Variants in FGF14 observed in about 807,000 individuals in gnomAD.
The protein encoded by FGF14 is fibroblast growth factor homologous factor 4.
In FGF14, 5 loss-of-function variants were observed where a neutral mutation model predicts 25.5. The ratio of observed to expected loss-of-function variants is 0.20; its 90% CI spans 0.10 to 0.41. The LOEUF is 0.41. FGF14 is among the 10% of genes least tolerant of loss of function. The probability of loss-of-function intolerance (pLI) is 1.00; values close to 1 mark genes in which losing one functional copy is unlikely to be tolerated. For synonymous variants in FGF14, 138 were observed against 118.3 expected (o/e 1.17, Z -1.08); for missense variants, 222 against 320.1 (o/e 0.69, Z 2.34).
At chr13:102,092,514 G>A (rs1181989061) in intron 1 of FGF14, among the ~76,000 whole-genome samples, 6 of 152,068 alleles carry the variant, frequency 3.9e-5, no homozygotes, top group Non-Finnish European at 7.4e-5. Context: ...ACACTGAAAG[G>A]GCATCTCCTC....
chr13:102,140,185 T>C (rs982448659), intron 1 of FGF14, among the ~76,000 whole-genome samples: 24 of 152,048 alleles, frequency 1.6e-4, no homozygotes, highest in African/African-American at 5.8e-4. Flanking sequence ...ATAATGGGGA[T>C]AATAATGGGG....
At chr13:101,882,929 A>AAT (rs550300656) in intron 1 of FGF14, among the ~76,000 whole-genome samples, 3 of 150,624 alleles carry the variant, frequency 2.0e-5, no homozygotes, top group Non-Finnish European at 4.4e-5. Flanking sequence ...GAGTGATAAA[A>AAT]TTTTTTTTTT....
At chr13:102,207,144 G>T (rs938820397) in intron 1 of FGF14, among the ~76,000 whole-genome samples, 3 of 151,922 alleles carry the variant, frequency 2.0e-5, no homozygotes, top group Non-Finnish European at 4.4e-5. Flanking sequence ...GCCAGGCATG[G>T]TGGCACATGC....
Position 102,216,214 on chromosome 13 carries a change from C to T in FGF14, c.208+185257G>A, listed in dbSNP as rs948373785. ...CAAATCTATTTGCCTCATTCTATAC[C>T]TCTGAGTAGCTCTGAGATAACACAG... On this transcript the variant is annotated intron_variant, in intron 1 of 4. Transcript: ENST00000376131. Among the ~76,000 whole-genome samples the T allele has an allele frequency of 3.9e-5, 6 of 152,184 alleles. No individual in the cohort carries two copies. In the East Asian group the frequency reaches 5.8e-4, roughly 15 times the overall value.
At chr13:101,971,144 A>T (rs1041952888) in intron 1 of FGF14, among the ~76,000 whole-genome samples, 3 of 152,116 alleles carry the variant, frequency 2.0e-5, no homozygotes, top group Non-Finnish European at 4.4e-5. Flanking sequence ...CAAAATATAG[A>T]TTTTATAGTT....
At chr13:102,138,746 G>A (rs898173384) in intron 1 of FGF14, among the ~76,000 whole-genome samples, 5 of 152,162 alleles carry the variant, frequency 3.3e-5, no homozygotes, top group African/African-American at 7.2e-5. Context: ...AAATTAAAGG[G>A]TGCTCATTTC....
intron 3 of FGF14, among the ~76,000 whole-genome samples, chr13:101,760,391 G>A (rs911135930): frequency 1.1e-4 from 16 of 152,116 alleles, no homozygotes; most frequent in African/African-American, 3.9e-4. Context: ...AATACCTATT[G>A]TTAAATGATG....
At chr13:102,039,885 T>C (rs1341587938) in intron 1 of FGF14, among the ~76,000 whole-genome samples, 1 of 152,140 alleles carries the variant, frequency 6.6e-6, no homozygotes, top group East Asian at 1.9e-4. Context: ...TCTAGAGTTT[T>C]CTTCCTGTAA....
At chr13:101,934,371 A>C (rs1235674714) in intron 1 of FGF14, among the ~76,000 whole-genome samples, 1 of 152,220 alleles carries the variant, frequency 6.6e-6, no homozygotes, top group Non-Finnish European at 1.5e-5. Context: ...ACAAAAGAGC[A>C]CAATCGTGAT....
chr13:102,021,308 T>A (rs1192548797), intron 1 of FGF14, among the ~76,000 whole-genome samples: 1 of 152,022 alleles, frequency 6.6e-6, no homozygotes, highest in Admixed American at 6.6e-5. Context: ...TCTACTTAGC[T>A]CATTTTGAGC....
intron 1 of FGF14, among the ~76,000 whole-genome samples, chr13:101,898,851 G>C (rs894276683): frequency 4.6e-5 from 7 of 152,094 alleles, no homozygotes; most frequent in African/African-American, 1.7e-4. Flanking sequence ...GGAGTTAAGG[G>C]GCCAACATTT....
intron 1 of FGF14, among the ~76,000 whole-genome samples, chr13:101,899,052 T>A (rs1168820632): frequency 6.6e-6 from 1 of 152,124 alleles, no homozygotes; most frequent in Non-Finnish European, 1.5e-5. Flanking sequence ...TTGGTAAACA[T>A]CCAGGTTTTC....
intron 1 of FGF14, among the ~76,000 whole-genome samples, chr13:102,080,969 AC>A: frequency 6.6e-6 from 1 of 152,332 alleles, no homozygotes; most frequent in Admixed American, 6.5e-5. Flanking sequence ...AAGGGCAATG[AC>A]CCATTCCTTT....
upstream of FGF14, among the ~76,000 whole-genome samples, chr13:101,920,265 C>T (rs2033901401): frequency 1.3e-5 from 2 of 152,092 alleles, no homozygotes; most frequent in East Asian, 1.9e-4. Context: ...TTAATTTTAC[C>T]TTTGACGTTA....
intron 3 of FGF14, among the ~76,000 whole-genome samples, chr13:101,856,238 A>G (rs1278447815): frequency 6.6e-6 from 1 of 151,848 alleles, no homozygotes; most frequent in East Asian, 1.9e-4. Context: ...AATTGTCTAG[A>G]CAACTTTTGA....
intron 1 of FGF14, among the ~76,000 whole-genome samples, chr13:102,100,380 T>C (rs1460439081): frequency 3.2e-5 from 4 of 125,952 alleles, no homozygotes; most frequent in Non-Finnish European, 5.9e-5. Context: ...TGCCACGCCC[T>C]CCTAGCAATA....
At chr13:101,801,839 G>GCC in intron 3 of FGF14, 1 of 264,740 alleles carries the variant, frequency 3.8e-6, no homozygotes, top group South Asian at 5.0e-5. Flanking sequence ...AAGGCATCAT[G>GCC]CCCTACACTG....
At chr13:102,052,595 A>C (rs1566623734) in intron 1 of FGF14, among the ~76,000 whole-genome samples, 1 of 152,084 alleles carries the variant, frequency 6.6e-6, no homozygotes, top group Non-Finnish European at 1.5e-5. Context: ...TTTTCATCAG[A>C]AACCTTATAG....
At chr13:102,000,850 A>G (rs1926016) in intron 1 of FGF14, among the ~76,000 whole-genome samples, 53,385 of 152,114 alleles carry the variant, frequency 0.35, 10,040 homozygotes, top group East Asian at 0.7. Flanking sequence ...GCCAATGGAA[A>G]TGTCCTATAA....
Sources: gnomAD v4.1 joint callset for allele counts (sites outside exome capture counted in the v4.1 genomes callset) on GRCh38, gnomAD v4.1.1 for gene constraint, MANE v1.5 for transcripts, NCBI Gene and HGNC (gene_info 2026-07-23, HGNC 2026-07-21) for gene names.